Variants in GK3 observed in about 807,000 individuals in gnomAD.
GK3 encodes the protein glycerol kinase 3 pseudogene.
the GK3 span, chr4:165,279,143 A>G: frequency 3.7e-6 from 6 of 1,602,728 alleles, no homozygotes; most frequent in African/African-American, 2.7e-5. Flanking sequence ...TTTTTCTTCA[A>G]CGGCCTTTTG....
the GK3 span, chr4:165,278,317 A>C: frequency 1.8e-6 from 2 of 1,098,274 alleles, no homozygotes; most frequent in South Asian, 2.5e-5. Context: ...CTACTGGAAT[A>C]TACAGAATGT....
chr4:165,278,080 A>C, the GK3 span: 2 of 1,549,520 alleles, frequency 1.3e-6, no homozygotes, highest in South Asian at 1.1e-5. Context: ...CACTAGGGTC[A>C]CCACCTTCTG....
At chr4:165,279,660 G>C in the GK3 span, 1 of 1,608,894 alleles carries the variant, frequency 6.2e-7, no homozygotes, top group South Asian at 1.1e-5. Context: ...CCAGCTTCAG[G>C]TCCGCCCGCG....
chr4:165,279,417 G>A, the GK3 span: 2 of 1,596,358 alleles, frequency 1.3e-6, no homozygotes, highest in Admixed American at 3.3e-5. Context: ...ATATTGAGCT[G>A]TCCAAGTTTC....
the GK3 span, chr4:165,278,911 C>T: frequency 1.4e-4 from 202 of 1,407,314 alleles, 1 homozygote; most frequent in African/African-American, 2.3e-3. Flanking sequence ...CCAAGGCCCC[C>T]GCTTTCATTA....
the GK3 span, chr4:165,279,258 T>A: frequency 6.5e-7 from 1 of 1,533,460 alleles, no homozygotes; most frequent in African/African-American, 1.4e-5. Context: ...TTTCCTGGAA[T>A]TCTTTTACTA....
chr4:165,279,353 A>G, the GK3 span: 1 of 1,580,428 alleles, frequency 6.3e-7, no homozygotes, highest in Non-Finnish European at 8.7e-7. Flanking sequence ...GTCCCAGACT[A>G]CGGTGGTTTC....
At chr4:165,278,908 C>T in the GK3 span, 3 of 1,406,682 alleles carry the variant, frequency 2.1e-6, no homozygotes, top group East Asian at 2.3e-5. Flanking sequence ...CTTCCAAGGC[C>T]CCCGCTTTCA....
At chr4:165,279,281 G>A in the GK3 span, 1 of 1,537,630 alleles carries the variant, frequency 6.5e-7, no homozygotes. Context: ...ACTCTCAACG[G>A]TAGACTGTGT....
the GK3 span, chr4:165,279,180 A>T: frequency 6.3e-7 from 1 of 1,591,934 alleles, no homozygotes; most frequent in Non-Finnish European, 8.6e-7. Flanking sequence ...TCGAGGAGCC[A>T]GCGAAGTTTC....
the GK3 span, chr4:165,279,466 A>C: frequency 1.3e-6 from 2 of 1,599,818 alleles, no homozygotes; most frequent in Non-Finnish European, 8.6e-7. Flanking sequence ...CAGAATGTAG[A>C]ATTTCCTTAG....
the GK3 span, chr4:165,279,679 C>A: frequency 3.8e-6 from 6 of 1,567,134 alleles, no homozygotes; most frequent in Non-Finnish European, 5.3e-6. Context: ...CGTTTGCGGC[C>A]GGTTTCCTGG....
the GK3 span, chr4:165,278,982 A>T: frequency 5.3e-6 from 8 of 1,496,368 alleles, no homozygotes; most frequent in African/African-American, 1.1e-4. Flanking sequence ...ATTCCAAAAA[A>T]TTCACAGAGT....
chr4:165,278,640 G>GGTCTT, the GK3 span: 1 of 1,592,552 alleles, frequency 6.3e-7, no homozygotes. Context: ...ATAATTCCAA[G>GGTCTT]ATTGTCTCTT....
At chr4:165,278,363 A>T in the GK3 span, 3 of 1,266,058 alleles carry the variant, frequency 2.4e-6, no homozygotes, top group African/African-American at 1.5e-5. Context: ...GTTGCTGGTC[A>T]TTCCTCCATC....
the GK3 span, chr4:165,279,680 G>T: frequency 4.1e-5 from 65 of 1,570,870 alleles, no homozygotes; most frequent in Non-Finnish European, 1.8e-6. Context: ...GTTTGCGGCC[G>T]GTTTCCTGGG....
chr4:165,277,906 G>T, the GK3 span: 2 of 852,602 alleles, frequency 2.3e-6, no homozygotes, highest in Non-Finnish European at 4.1e-6. Context: ...TAGTGTCATC[G>T]CATTAAGAGA....
chr4:165,278,450 G>A, the GK3 span: 1 of 1,530,088 alleles, frequency 6.5e-7, no homozygotes, highest in Non-Finnish European at 9.1e-7. Flanking sequence ...GAAACAAACA[G>A]CTTCTAATGC....
chr4:165,279,084 CT>C, the GK3 span: 1 of 1,553,784 alleles, frequency 6.4e-7, no homozygotes, highest in East Asian at 2.2e-5. Flanking sequence ...TTGACGCCTC[CT>C]GTCAAACTCC....
Sources: gnomAD v4.1 joint callset for allele counts on GRCh38, gnomAD v4.1.1 for gene constraint, MANE v1.5 for transcripts, NCBI Gene and HGNC (gene_info 2026-07-23, HGNC 2026-07-21) for gene names.